The following ARHGAP26 variants were observed in gnomAD, a reference collection of about 807,000 sequenced individuals.
The protein encoded by ARHGAP26 is Rho GTPase activating protein 26.
In ARHGAP26, 38 loss-of-function variants were observed where a neutral mutation model predicts 104.8. That is an observed-to-expected ratio of 0.36 (90% CI 0.28 to 0.48). The LOEUF (loss-of-function observed/expected upper bound fraction) is 0.48, where lower values mean the gene tolerates loss of function less well. Ranked by LOEUF, ARHGAP26 falls within the 20% of genes least tolerant of loss-of-function variation. The probability of loss-of-function intolerance (pLI) is 0.99; values close to 1 mark genes in which losing one functional copy is unlikely to be tolerated. For missense variants in ARHGAP26, 704 were observed against 947.9 expected, an observed-to-expected ratio of 0.74 and a Z score of 3.38; for synonymous variants, 341 against 340.0, an observed-to-expected ratio of 1.00 and a Z score of -0.03.
At chr5:143,126,172 T>C (rs1209293357) in intron 18 of ARHGAP26, among the ~76,000 whole-genome samples, 3 of 152,216 alleles carry the variant, frequency 2.0e-5, no homozygotes, top group African/African-American at 7.2e-5. Flanking sequence ...TCTACTGGCA[T>C]TGGGCTCTGA....
Position 143,026,273 on chromosome 5 carries a change from T to C in ARHGAP26, c.1145-10923T>C, listed in dbSNP as rs560598171. Among the ~76,000 whole-genome samples the C allele has an allele frequency of 1.8e-4, 27 of 152,334 alleles. 1 individual carries two copies. In the South Asian group the frequency reaches 4.8e-3, roughly 27 times the overall value. The stretch of plus-strand genomic sequence containing the variant: ...GATTAGTCATGAACAGGGCAGATTG[T>C]CTCTGCTCTCATGGAGCATATACAA... On this transcript the variant is annotated intron_variant, in intron 12 of 22. Transcript: ENST00000645722.
At chr5:143,201,093 G>T (rs1807645980) in intron 20 of ARHGAP26, among the ~76,000 whole-genome samples, 1 of 152,202 alleles carries the variant, frequency 6.6e-6, no homozygotes, top group East Asian at 1.9e-4. Context: ...GAGACTGACT[G>T]GGACTGTCTG....
At chr5:143,222,034 T>G in intron 22 of ARHGAP26, among the ~76,000 whole-genome samples, 1 of 152,158 alleles carries the variant, frequency 6.6e-6, no homozygotes, top group East Asian at 1.9e-4. Flanking sequence ...CTTTGTAGTT[T>G]AAACCAGGAG....
chr5:142,790,540 G>C (rs1435478121), intron 1 of ARHGAP26, among the ~76,000 whole-genome samples: 1 of 152,106 alleles, frequency 6.6e-6, no homozygotes, highest in Admixed American at 6.5e-5. Flanking sequence ...TTCTCATCCA[G>C]AATTTCCCAG....
intron 11 of ARHGAP26, chr5:142,969,332 T>C (rs1771889536): frequency 6.6e-6 from 1 of 152,168 alleles, no homozygotes; most frequent in Non-Finnish European, 1.5e-5. Flanking sequence ...AGGCTGGCCA[T>C]TTTGTGATGA....
chr5:143,096,601 C>G (rs1219086818), intron 17 of ARHGAP26, among the ~76,000 whole-genome samples: 1 of 152,068 alleles, frequency 6.6e-6, no homozygotes, highest in East Asian at 1.9e-4. Context: ...ACCTTTCCTC[C>G]TTCGTTATTA....
intron 12 of ARHGAP26, among the ~76,000 whole-genome samples, chr5:143,033,770 A>G (rs949341589): frequency 6.1e-5 from 9 of 148,578 alleles, no homozygotes; most frequent in Admixed American, 5.3e-4. Flanking sequence ...GTAAAATGGC[A>G]ATTTTTTCTC....
Position 143,116,542 on chromosome 5 carries a change from C to T in ARHGAP26, c.1539-4446C>T, listed in dbSNP as rs777416568. 1.8e-4 allele frequency among the ~76,000 whole-genome samples: 28 copies of T among 152,206 alleles called. 1 individual carries two copies. Among genetic ancestry groups the T allele is most frequent in the Admixed American group, 9.2e-4 (14 of 15,286 alleles). On this transcript the variant is annotated intron_variant, in intron 17 of 22. Transcript: ENST00000645722. ...TTAGCACTTATAGAGCTCTGGCTCT[C>T]ATTTAAACTCTAGGAAAACAGATGT...
At chr5:143,040,573 A>G (rs796699928) in intron 13 of ARHGAP26, among the ~76,000 whole-genome samples, 6 of 149,490 alleles carry the variant, frequency 4.0e-5, no homozygotes, top group African/African-American at 1.5e-4. Context: ...AAACAAGTAA[A>G]TAATCAAATA....
intron 22 of ARHGAP26, among the ~76,000 whole-genome samples, chr5:143,214,852 G>C (rs370980892): frequency 6.6e-6 from 1 of 152,230 alleles, no homozygotes; most frequent in Non-Finnish European, 1.5e-5. Flanking sequence ...GCATGTGGGC[G>C]TCTGAGTCTG....
At chr5:143,005,677 A>G (rs1562245541) in intron 11 of ARHGAP26, among the ~76,000 whole-genome samples, 1 of 152,246 alleles carries the variant, frequency 6.6e-6, no homozygotes, top group African/African-American at 2.4e-5. Flanking sequence ...TATATCCACA[A>G]GGTACAAAGC....
chr5:142,779,271 A>ACAGCTTGG (rs1428478552), intron 1 of ARHGAP26, among the ~76,000 whole-genome samples: 1 of 152,134 alleles, frequency 6.6e-6, no homozygotes, highest in African/African-American at 2.4e-5. Context: ...GGTAAGGAAA[A>ACAGCTTGG]CAGCTTGGCA....
At chr5:143,201,542 G>T (rs1455080418) in intron 20 of ARHGAP26, among the ~76,000 whole-genome samples, 3 of 152,096 alleles carry the variant, frequency 2.0e-5, no homozygotes, top group Admixed American at 1.3e-4. Context: ...GTTTATTTAT[G>T]TATTTATTTT....
intron 1 of ARHGAP26, among the ~76,000 whole-genome samples, chr5:142,785,807 C>T (rs1358359915): frequency 6.6e-6 from 1 of 152,088 alleles, no homozygotes; most frequent in Non-Finnish European, 1.5e-5. Context: ...ATGTAGAAAG[C>T]GTGTTTTCTA....
At chr5:143,070,881 C>T (rs1457682763) in intron 17 of ARHGAP26, among the ~76,000 whole-genome samples, 5 of 151,976 alleles carry the variant, frequency 3.3e-5, no homozygotes, top group Admixed American at 6.6e-5. Context: ...CACTGCACTC[C>T]AGCCTGGGTG....
In ARHGAP26 at chr5:143,160,891, G is replaced by A. The variant is rs1272271343; in HGVS notation, c.1988+13510G>A. Among the ~76,000 whole-genome samples the A allele has an allele frequency of 2.6e-5, 4 of 152,258 alleles. No homozygotes were observed. The East Asian group carries it at 7.7e-4, about 29-fold the overall frequency. On this transcript the variant is annotated intron_variant, in intron 20 of 22. Coordinates refer to ENST00000645722, the MANE Select transcript of ARHGAP26 (RefSeq NM_001135608.3). ...GCCTCGCCCAGGGCTCTGTGTCAGT[G>A]TAGTAAGTGGTAACTGTTGGCACAG... is the stretch of plus-strand genomic sequence containing the variant.
intron 11 of ARHGAP26, among the ~76,000 whole-genome samples, chr5:142,961,271 G>T (rs1195814877): frequency 6.6e-6 from 1 of 152,122 alleles, no homozygotes; most frequent in Non-Finnish European, 1.5e-5. Flanking sequence ...TGGGAGGATT[G>T]CTTGAGCCCA....
chr5:142,954,758 C>G (rs1217247241), intron 11 of ARHGAP26, among the ~76,000 whole-genome samples: 1 of 152,162 alleles, frequency 6.6e-6, no homozygotes, highest in Non-Finnish European at 1.5e-5. Context: ...TGTTCTGATG[C>G]CCAGCTGACT....
At chr5:143,211,862 T>G (rs77632858) in intron 21 of ARHGAP26, among the ~76,000 whole-genome samples, 6,314 of 152,286 alleles carry the variant, frequency 0.041, 454 homozygotes, top group African/African-American at 0.14. Context: ...GTTTGTTATT[T>G]TTTAACGTAC....
Sources: allele counts gnomAD v4.1 joint callset (sites outside exome capture counted in the v4.1 genomes callset), GRCh38; gene constraint gnomAD v4.1.1; transcripts MANE v1.5; gene names NCBI Gene and HGNC (gene_info 2026-07-23, HGNC 2026-07-21).